Variants in TAFA2 observed in about 807,000 individuals in gnomAD.
TAFA2 encodes chemokine-like protein TAFA-2.
TAFA2 carries 7 observed loss-of-function variants against 18.8 expected under a neutral mutation model. The observed-to-expected ratio is 0.37, with a 90% CI of 0.21 to 0.70. The LOEUF (loss-of-function observed/expected upper bound fraction) is 0.70. TAFA2 is among the 30% of genes least tolerant of loss of function. The pLI, the probability that TAFA2 is intolerant of heterozygous loss-of-function variation, is 0.53. For missense variants in TAFA2, 122 were observed against 158.1 expected (o/e 0.77, Z 1.23); for synonymous variants, 60 against 54.2 (o/e 1.11, Z -0.47).
upstream of TAFA2, among the ~76,000 whole-genome samples, chr12:62,195,999 T>A (rs946798369): frequency 6.6e-6 from 1 of 152,236 alleles, no homozygotes; most frequent in African/African-American, 2.4e-5. Flanking sequence ...TCCACCTTCA[T>A]CAATGATCTT....
chr12:61,962,316 T>C (rs1046682674), intron 1 of TAFA2, among the ~76,000 whole-genome samples: 3 of 152,014 alleles, frequency 2.0e-5, no homozygotes, highest in Non-Finnish European at 4.4e-5. Flanking sequence ...AAAGGCTGGT[T>C]CCCATCATCT....
chr12:61,877,988 A>T, intron 1 of TAFA2: 1 of 448,824 alleles, frequency 2.2e-6, no homozygotes, highest in Non-Finnish European at 4.5e-6. Context: ...ATTCAGCCTT[A>T]AAAAGAAATT....
chr12:61,818,490 TACACACAC>T (rs3034071), intron 2 of TAFA2, among the ~76,000 whole-genome samples: 20 of 140,708 alleles, frequency 1.4e-4, no homozygotes, highest in Admixed American at 2.8e-4. Flanking sequence ...CTCAAAAAAA[TACACACAC>T]ACACACACAC....
chr12:61,843,290 G>T (rs1391077024), intron 2 of TAFA2, among the ~76,000 whole-genome samples: 2 of 151,986 alleles, frequency 1.3e-5, no homozygotes, highest in Non-Finnish European at 2.9e-5. Context: ...GCCACACTCT[G>T]TTCTTAAAAC....
At chr12:61,782,142 T>A (rs1007113045) in intron 2 of TAFA2, among the ~76,000 whole-genome samples, 2 of 151,552 alleles carry the variant, frequency 1.3e-5, no homozygotes, top group Non-Finnish European at 1.5e-5. Context: ...CCCTCAACCA[T>A]CTAAATGGGC....
chr12:62,067,947 T>C (rs530601756), intron 1 of TAFA2, among the ~76,000 whole-genome samples: 22 of 151,994 alleles, frequency 1.4e-4, no homozygotes, highest in Non-Finnish European at 3.1e-4. Context: ...TCCTTTTCTT[T>C]CCTTTTAATA....
chr12:61,917,939 G>T (rs1190633363), intron 1 of TAFA2, among the ~76,000 whole-genome samples: 1 of 152,192 alleles, frequency 6.6e-6, no homozygotes, highest in Non-Finnish European at 1.5e-5. Flanking sequence ...TAAAGTTCTA[G>T]AGAGGCAGTA....
chr12:62,049,207 C>G (rs1054114591), intron 1 of TAFA2, among the ~76,000 whole-genome samples: 5 of 152,090 alleles, frequency 3.3e-5, no homozygotes, highest in African/African-American at 1.2e-4. Flanking sequence ...AGAACCCCTT[C>G]TCCACCCTCC....
At chr12:61,891,130 T>C (rs1875614657) in intron 1 of TAFA2, among the ~76,000 whole-genome samples, 1 of 152,046 alleles carries the variant, frequency 6.6e-6, no homozygotes, top group Non-Finnish European at 1.5e-5. Context: ...AGGGAGAAAA[T>C]AAATGAATAC....
At chr12:62,234,413 G>A (rs1004944835) in intron 1 of TAFA2, 1 of 717,776 alleles carries the variant, frequency 1.4e-6, no homozygotes. Context: ...GGACCGTCCT[G>A]CTGTCCATTG....
chr12:62,137,084 G>A (rs1279007192), intron 1 of TAFA2, among the ~76,000 whole-genome samples: 2 of 152,062 alleles, frequency 1.3e-5, no homozygotes, highest in African/African-American at 4.8e-5. Flanking sequence ...TATGCTGTTA[G>A]GAATTTGTCT....
intron 4 of TAFA2, among the ~76,000 whole-genome samples, chr12:61,736,118 CAG>C (rs1185769880): frequency 2.0e-5 from 3 of 151,896 alleles, no homozygotes; most frequent in Non-Finnish European, 4.4e-5. Flanking sequence ...CTTACTATGG[CAG>C]AGTCTGCTGG....
intron 1 of TAFA2, among the ~76,000 whole-genome samples, chr12:62,024,477 A>G (rs1881251024): frequency 6.6e-6 from 1 of 152,172 alleles, no homozygotes; most frequent in Non-Finnish European, 1.5e-5. Flanking sequence ...CCCATATGAG[A>G]AACCATTTTG....
chr12:62,250,248 T>A lies in TAFA2; in HGVS notation c.-130+8515A>T, dbSNP rs900269820. 3.9e-5 allele frequency among the ~76,000 whole-genome samples: 6 copies of A among 152,340 alleles called. No individual in the cohort carries two copies. In the South Asian group the frequency reaches 1.2e-3, roughly 32 times the overall value. On this transcript the variant is annotated intron_variant, in intron 1 of 5. Coordinates refer to the TAFA2 transcript ENST00000551619. ...AATTTTCCCCTTGGCACTTTGAAGA[T>A]GATATTCTGGCATATATTTCTGGCA...
At chr12:61,835,895 C>T (rs1010544872) in intron 2 of TAFA2, among the ~76,000 whole-genome samples, 3 of 151,846 alleles carry the variant, frequency 2.0e-5, no homozygotes, top group Admixed American at 1.3e-4. Flanking sequence ...AGACAGCACC[C>T]ACACTTAAGC....
intron 1 of TAFA2, among the ~76,000 whole-genome samples, chr12:62,068,276 G>T (rs1186842584): frequency 1.3e-5 from 2 of 152,038 alleles, no homozygotes; most frequent in Admixed American, 6.6e-5. Flanking sequence ...CTTCAAGAAA[G>T]TTTAAACTAC....
rs1335081311 is a variant in TAFA2, at chr12:61,867,004, G to A, written c.106+316C>T. On this transcript the variant is annotated intron_variant, in intron 2 of 4. Transcript: ENST00000416284. Reference sequence around the variant, plus strand: ...CACAACGTGCAGGTTTGTTACGTATGTATACATGTGTCATGTTGGTGTGCT... The same window carrying A: ...CACAACGTGCAGGTTTGTTACGTATATATACATGTGTCATGTTGGTGTGCT... Among the ~76,000 whole-genome samples, 8 of 151,668 alleles carry A rather than the reference G, an allele frequency of 5.3e-5. No individual in the cohort carries two copies. In the East Asian group the frequency reaches 1.6e-3, roughly 29 times the overall value.
At chr12:62,014,528 G>C (rs1880868264) in intron 1 of TAFA2, among the ~76,000 whole-genome samples, 2 of 152,088 alleles carry the variant, frequency 1.3e-5, no homozygotes, top group African/African-American at 2.4e-5. Flanking sequence ...GCTAGTCAGA[G>C]GGCTGAGGCA....
chr12:62,087,930 T>G (rs1868524932), intron 1 of TAFA2, among the ~76,000 whole-genome samples: 1 of 152,096 alleles, frequency 6.6e-6, no homozygotes, highest in Non-Finnish European at 1.5e-5. Flanking sequence ...TCTTGCTGTT[T>G]TCATTATAAA....
Sources: gnomAD v4.1 joint callset for allele counts (sites outside exome capture counted in the v4.1 genomes callset) on GRCh38, gnomAD v4.1.1 for gene constraint, MANE v1.5 for transcripts, NCBI Gene and HGNC (gene_info 2026-07-23, HGNC 2026-07-21) for gene names.